Variants in BBS7 observed in about 807,000 individuals in gnomAD.
The protein encoded by BBS7 is BBSome complex member BBS7.
In BBS7, 50 loss-of-function variants were observed where a neutral mutation model predicts 90.3. The ratio of observed to expected loss-of-function variants is 0.55; its 90% CI spans 0.44 to 0.70. The LOEUF (loss-of-function observed/expected upper bound fraction) is 0.70. Ranked by LOEUF, BBS7 falls within the 30% of genes least tolerant of loss-of-function variation. BBS7 has a pLI of 0.00. For missense variants in BBS7, 729 were observed against 838.9 expected (o/e 0.87, Z 1.62); for synonymous variants, 235 against 287.4 (o/e 0.82, Z 1.85).
intron 2 of BBS7, among the ~76,000 whole-genome samples, chr4:121,865,338 A>G (rs1217719523): frequency 3.3e-5 from 5 of 151,694 alleles, no homozygotes; most frequent in African/African-American, 1.2e-4. Context: ...TCCTGGGTTC[A>G]AGCGATTCTC....
chr4:121,867,046 CT>C (rs1460989665), intron 2 of BBS7, among the ~76,000 whole-genome samples: 1 of 152,132 alleles, frequency 6.6e-6, no homozygotes, highest in African/African-American at 2.4e-5. Context: ...AAAATTAATT[CT>C]TCCAATCCAT....
chr4:121,870,438 G>C lies in BBS7; in HGVS notation c.-125C>G, dbSNP rs1727528030. 1.8e-6 allele frequency: 2 copies of C among 1,109,080 alleles called. No homozygotes were observed. The highest frequency in any genetic ancestry group is 2.7e-6 in the Non-Finnish European group (2 of 738,656). 68.7% of individuals were successfully genotyped at this position (1,109,080 alleles called of 1,614,324 possible). ...CCCTCAAAAGCCAGCCCCAGCTACC[G>C]CGCCTAGGTCCTGGGCTGCACAGGC... is the stretch of plus-strand genomic sequence containing the variant. On this transcript the variant is annotated 5_prime_UTR_variant, in exon 1 of 19. Coordinates refer to ENST00000264499, the MANE Select transcript of BBS7 (RefSeq NM_176824.3).
In BBS7 at chr4:121,848,914, G is replaced by T; in HGVS notation, c.864C>A (p.Ser288Arg). 6.2e-7 allele frequency: 1 copy of T among 1,613,644 alleles called. No individual in the cohort carries two copies. Among genetic ancestry groups the T allele is most frequent in the South Asian group, 1.1e-5 (1 of 91,088 alleles). Residue 288 changes from serine to arginine, a missense_variant, in exon 9 of 19, where the codon AGC becomes AGA. Ser to Arg is a moderately radical substitution (Grantham distance 110). Coordinates refer to ENST00000264499, the MANE Select transcript of BBS7 (RefSeq NM_176824.3). ...VLRFDQMLSE[S>R]VTSIQGGCVG... ...CACAACCACCCTGGATAGATGTGAC[G>T]CTTTCAGACAACATCTAAAAAAGTT...
chr4:121,866,280 T>A (rs1727267174), intron 2 of BBS7, among the ~76,000 whole-genome samples: 1 of 152,188 alleles, frequency 6.6e-6, no homozygotes, highest in Non-Finnish European at 1.5e-5. Flanking sequence ...GAGGTCTTAT[T>A]CATTAACTAT....
intron 3 of BBS7, among the ~76,000 whole-genome samples, chr4:121,862,605 T>C (rs1727042461): frequency 6.6e-6 from 1 of 152,220 alleles, no homozygotes; most frequent in Admixed American, 6.5e-5. Context: ...GTTGCTTCCA[T>C]GATTACATTA....
chr4:121,833,029 CT>C (rs1481003121), intron 15 of BBS7, among the ~76,000 whole-genome samples: 14 of 152,202 alleles, frequency 9.2e-5, no homozygotes, highest in Non-Finnish European at 1.3e-4. Flanking sequence ...TTGTTGGGAA[CT>C]TAGGAAATAT....
Position 121,825,162 on chromosome 4 carries a change from C to T in BBS7, c.*698G>A, listed in dbSNP as rs1171769486. On this transcript the variant is annotated 3_prime_UTR_variant, in exon 19 of 19. Transcript: ENST00000264499. ...ACTCTGTGTAAGCTCTTCTTATTTC[C>T]TGGCTACAATTTATAGCACTGAGCC... is the stretch of plus-strand genomic sequence containing the variant. 6.6e-6 allele frequency: 1 copy of T among 152,224 alleles called. No individual in the cohort carries two copies. The highest frequency in any genetic ancestry group is 1.9e-4 in the East Asian group (1 of 5,210). The allele number at this position is 152,224 out of a possible 1,614,324, so 9.4% of individuals were successfully genotyped here.
chr4:121,833,147 C>T, intron 15 of BBS7, 84 bp downstream of exon 15: 1 of 1,344,060 alleles, frequency 7.4e-7, no homozygotes, highest in East Asian at 2.3e-5. Flanking sequence ...AGATTACTCA[C>T]AAATAACTCC....
rs1395754170 is a variant in BBS7, at chr4:121,849,066, T to A, written c.850-138A>T. The A allele has an allele frequency of 1.2e-5, 8 of 664,960 alleles. No individual in the cohort carries two copies. In the East Asian group the frequency reaches 2.2e-4, roughly 18 times the overall value. The allele number at this position is 664,960 out of a possible 1,614,324, so 41.2% of individuals were successfully genotyped here. ...AATGTTTATGTGCAGACACTCAGAT[T>A]AGAAAGACAAAATATCTTGAACAAA... On this transcript the variant is annotated intron_variant, in intron 8 of 18. Transcript: ENST00000264499.
At chr4:121,847,670 C>G (rs1465816769) in intron 9 of BBS7, among the ~76,000 whole-genome samples, 164 bp from the exon 10 acceptor site, 3 of 152,068 alleles carry the variant, frequency 2.0e-5, no homozygotes, top group Non-Finnish European at 4.4e-5. Flanking sequence ...TAAAATCAAG[C>G]TGGAAAATAT....
intron 15 of BBS7, among the ~76,000 whole-genome samples, chr4:121,829,903 T>C (rs1180262872): frequency 6.6e-6 from 1 of 152,220 alleles, no homozygotes; most frequent in African/African-American, 2.4e-5. Flanking sequence ...GATCCAGTTG[T>C]GCGTGAGGCA....
intron 17 of BBS7, 63 bp downstream of exon 17, chr4:121,828,339 T>A: frequency 6.3e-7 from 1 of 1,592,658 alleles, no homozygotes; most frequent in South Asian, 1.1e-5. Context: ...AAAGTATTGA[T>A]AATTTTAGAA....
At chr4:121,841,239 G>A (rs950932603) in intron 12 of BBS7, among the ~76,000 whole-genome samples, 13 of 152,164 alleles carry the variant, frequency 8.5e-5, no homozygotes, top group South Asian at 2.1e-4. Context: ...TTGGGAGTGG[G>A]AAGGAGAGGG....
intron 14 of BBS7, among the ~76,000 whole-genome samples, chr4:121,834,094 TA>T (rs1382684642): frequency 2.6e-5 from 4 of 152,020 alleles, no homozygotes; most frequent in African/African-American, 7.2e-5. Context: ...AAAGTAACAT[TA>T]AAAAAACTGT....
chr4:121,842,265 A>G (rs895381046), intron 12 of BBS7, among the ~76,000 whole-genome samples: 44 of 148,570 alleles, frequency 3.0e-4, no homozygotes, highest in Middle Eastern at 3.4e-3. Context: ...AAAAAAAAAA[A>G]AAAAAGAAAA....
rs562064936 is a variant in BBS7, at chr4:121,863,197, C to T, written c.165+20G>A. 6 of 1,611,330 alleles carry T rather than the reference C, an allele frequency of 3.7e-6. No individual in the cohort carries two copies. The African/African-American group carries it at 6.7e-5, about 18-fold the overall frequency. ...TCTCTTTTAGAAAACCATTTTTCCC[C>T]TTCACAAAGCTATACTTACTGCTGC... On this transcript the variant is annotated intron_variant, in intron 3 of 18. Coordinates refer to ENST00000264499, the MANE Select transcript of BBS7 (RefSeq NM_176824.3).
intron 10 of BBS7, among the ~76,000 whole-genome samples, chr4:121,845,977 C>T (rs1309497331): frequency 6.6e-6 from 1 of 152,062 alleles, no homozygotes; most frequent in African/African-American, 2.4e-5. Context: ...ATAATCTTAA[C>T]ACAGGAATCT....
In BBS7 at chr4:121,835,206, G is replaced by T. The variant is rs755989652; in HGVS notation, c.1449C>A (p.Val483=). Residue 483 remains valine, a synonymous_variant, in exon 14 of 19, where the codon GTC becomes GTA. Coordinates refer to ENST00000264499, the MANE Select transcript of BBS7 (RefSeq NM_176824.3). ...AAAGAGGTTTGATGTGGTACTGGCGGACCTGACAGGTTTTGGGTTGAATTC... is the reference window on the plus strand; with the variant it reads ...AAAGAGGTTTGATGTGGTACTGGCGTACCTGACAGGTTTTGGGTTGAATTC... The part of the protein sequence containing the change: ...TPRIQPKTCQ[V]RQYHIKPLSL... The T allele has an allele frequency of 6.2e-7, 1 of 1,613,890 alleles. No individual in the cohort carries two copies. Among genetic ancestry groups the T allele is most frequent in the South Asian group, 1.1e-5 (1 of 91,078 alleles).
chr4:121,855,206 G>A (rs1437063687), intron 6 of BBS7, among the ~76,000 whole-genome samples: 3 of 151,900 alleles, frequency 2.0e-5, no homozygotes, highest in Admixed American at 1.3e-4. Context: ...TACTAGGGAG[G>A]CTGAGGTGGG....
Sources: allele counts gnomAD v4.1 joint callset (sites outside exome capture counted in the v4.1 genomes callset), GRCh38; gene constraint gnomAD v4.1.1; transcripts MANE v1.5; gene names NCBI Gene and HGNC (gene_info 2026-07-23, HGNC 2026-07-21).